The following CDH12 variants were observed in gnomAD, a reference collection of about 807,000 sequenced individuals.
The protein encoded by CDH12 is cadherin 12, also known as cadherin-12.
In CDH12, 41 loss-of-function variants were observed where a neutral mutation model predicts 74.1. The observed-to-expected ratio is 0.55, with a 90% CI of 0.43 to 0.72. The LOEUF is 0.72. CDH12 is among the 30% of genes least tolerant of loss of function. The pLI is 0.00. For synonymous variants in CDH12, 399 were observed against 355.0 expected (o/e 1.12, Z -1.39); for missense variants, 945 against 977.2 (o/e 0.97, Z 0.44).
At chr5:22,748,973 G>A (rs2127030635) in intron 1 of CDH12, among the ~76,000 whole-genome samples, 1 of 152,304 alleles carries the variant, frequency 6.6e-6, no homozygotes, top group South Asian at 2.1e-4. Flanking sequence ...AAGAAGTATA[G>A]TACAAAAGGC....
chr5:22,412,581 T>A (rs1037815597), intron 2 of CDH12, among the ~76,000 whole-genome samples: 2 of 151,982 alleles, frequency 1.3e-5, no homozygotes, highest in African/African-American at 4.8e-5. Flanking sequence ...ATGACTTTAA[T>A]CACAATCATA....
At chr5:22,553,911 T>C (rs1738683271) in intron 1 of CDH12, among the ~76,000 whole-genome samples, 1 of 152,192 alleles carries the variant, frequency 6.6e-6, no homozygotes, top group Non-Finnish European at 1.5e-5. Context: ...CATTCTGATA[T>C]AATGTGGAGT....
At chr5:22,473,044 T>C (rs1746030537) in intron 2 of CDH12, among the ~76,000 whole-genome samples, 1 of 152,146 alleles carries the variant, frequency 6.6e-6, no homozygotes, top group South Asian at 2.1e-4. Flanking sequence ...ATTTTTTCCT[T>C]CCTTCTTTAC....
At chr5:22,549,372 T>C (rs1300984439) in intron 1 of CDH12, among the ~76,000 whole-genome samples, 1 of 151,882 alleles carries the variant, frequency 6.6e-6, no homozygotes, top group Non-Finnish European at 1.5e-5. Flanking sequence ...CTTTTTTTTT[T>C]CTTGAGGAAA....
At chr5:22,445,839 C>A (rs548984218) in intron 2 of CDH12, among the ~76,000 whole-genome samples, 1 of 152,122 alleles carries the variant, frequency 6.6e-6, no homozygotes, top group Non-Finnish European at 1.5e-5. Context: ...TCTGTTCTCA[C>A]ATCACCTGGA....
At chr5:22,512,406 T>G (rs1273299865) in intron 1 of CDH12, among the ~76,000 whole-genome samples, 1 of 152,038 alleles carries the variant, frequency 6.6e-6, no homozygotes, top group African/African-American at 2.4e-5. Flanking sequence ...TGAAAATAAA[T>G]GACACCAGAA....
At chr5:22,498,854 G>GCC (rs1282096586) in intron 2 of CDH12, among the ~76,000 whole-genome samples, 6 of 147,522 alleles carry the variant, frequency 4.1e-5, no homozygotes, top group African/African-American at 1.5e-4. Flanking sequence ...ATTTATATAA[G>GCC]TAGACATAGA....
At chr5:22,235,026 A>G (rs1580432361) in intron 3 of CDH12, among the ~76,000 whole-genome samples, 1 of 152,132 alleles carries the variant, frequency 6.6e-6, no homozygotes, top group Non-Finnish European at 1.5e-5. Flanking sequence ...AATAGCTTAC[A>G]AGCATATGAA....
chr5:22,110,865 T>G (rs1236916725), intron 4 of CDH12, among the ~76,000 whole-genome samples: 1 of 152,142 alleles, frequency 6.6e-6, no homozygotes, highest in East Asian at 1.9e-4. Flanking sequence ...TCATTTAAAC[T>G]ATAAACTAAA....
chr5:22,429,304 T>C (rs982668567), intron 2 of CDH12, among the ~76,000 whole-genome samples: 1 of 151,622 alleles, frequency 6.6e-6, no homozygotes, highest in Admixed American at 6.6e-5. Context: ...GCTACTTTTG[T>C]TTTTTTGCAT....
At chr5:22,689,916 A>G (rs1005539569) in intron 1 of CDH12, among the ~76,000 whole-genome samples, 1 of 152,094 alleles carries the variant, frequency 6.6e-6, no homozygotes, top group African/African-American at 2.4e-5. Context: ...GCTATAAAAT[A>G]CATGAAAGAA....
chr5:21,969,558 G>A (rs577821971), intron 6 of CDH12, among the ~76,000 whole-genome samples: 13 of 151,894 alleles, frequency 8.6e-5, no homozygotes, highest in South Asian at 2.1e-4. Flanking sequence ...TGAGGTCCAC[G>A]TAGCAAAGAA....
intron 3 of CDH12, among the ~76,000 whole-genome samples, chr5:22,221,423 T>C (rs541687885): frequency 1.3e-5 from 2 of 152,006 alleles, no homozygotes; most frequent in South Asian, 2.1e-4. Context: ...GTCAGTGTTG[T>C]ATAAATGATA....
chr5:22,709,457 A>C (rs1743186083), intron 1 of CDH12, among the ~76,000 whole-genome samples: 1 of 152,172 alleles, frequency 6.6e-6, no homozygotes, highest in Admixed American at 6.6e-5. Flanking sequence ...GCAATCAAAC[A>C]GAAAAATATA....
At chr5:21,921,360 G>A (rs1036598150) in intron 6 of CDH12, among the ~76,000 whole-genome samples, 7 of 152,104 alleles carry the variant, frequency 4.6e-5, no homozygotes, top group Non-Finnish European at 8.8e-5. Context: ...TTCTCCATCT[G>A]GTCCTGAAAC....
chr5:22,551,590 G>A (rs989399460), intron 1 of CDH12, among the ~76,000 whole-genome samples: 3 of 151,998 alleles, frequency 2.0e-5, no homozygotes, highest in African/African-American at 7.3e-5. Context: ...TTAACGCATA[G>A]CAAACCTGTC....
intron 1 of CDH12, among the ~76,000 whole-genome samples, chr5:22,770,118 A>C (rs1472807209): frequency 2.6e-5 from 4 of 151,326 alleles, no homozygotes; most frequent in African/African-American, 9.7e-5. Flanking sequence ...CCCAGGCGTG[A>C]ACTTTTAAAG....
intron 3 of CDH12, among the ~76,000 whole-genome samples, chr5:22,222,820 C>A (rs1204186538): frequency 6.6e-6 from 1 of 151,882 alleles, no homozygotes; most frequent in Non-Finnish European, 1.5e-5. Flanking sequence ...AATTAAGAAA[C>A]TCACTCTAAA....
intron 4 of CDH12, among the ~76,000 whole-genome samples, chr5:22,095,628 A>G (rs1743712410): frequency 6.6e-6 from 1 of 150,996 alleles, no homozygotes; most frequent in African/African-American, 2.4e-5. Flanking sequence ...CTTCACCCTT[A>G]GTGGCAAGTA....
Sources: gnomAD v4.1 joint callset for allele counts (sites outside exome capture counted in the v4.1 genomes callset) on GRCh38, gnomAD v4.1.1 for gene constraint, MANE v1.5 for transcripts, NCBI Gene and HGNC (gene_info 2026-07-23, HGNC 2026-07-21) for gene names.